Variants in EXOC4 observed in about 807,000 individuals in gnomAD.
The protein encoded by EXOC4 is exocyst complex component 4.
Under a neutral mutation model 107.2 loss-of-function variants are expected in EXOC4, and 71 were observed. The observed-to-expected ratio is 0.66, with a 90% CI of 0.55 to 0.81. The LOEUF (loss-of-function observed/expected upper bound fraction) is 0.81. EXOC4 is among the 30% of genes least tolerant of loss of function. The pLI is 0.00. For synonymous variants in EXOC4, 456 were observed against 441.2 expected (o/e 1.03, Z -0.42); for missense variants, 1,108 against 1,189.6 (o/e 0.93, Z 1.01).
chr7:133,309,280 A>G (rs1794818471), intron 4 of EXOC4, among the ~76,000 whole-genome samples: 1 of 152,180 alleles, frequency 6.6e-6, no homozygotes, highest in African/African-American at 2.4e-5. Flanking sequence ...AGGAGCAAAA[A>G]TCAGGCTCAC....
At chr7:134,090,623 A>G in the EXOC4 span, among the ~76,000 whole-genome samples, 1 of 152,182 alleles carries the variant, frequency 6.6e-6, no homozygotes, top group African/African-American at 2.4e-5. Flanking sequence ...GAGCTCAGCG[A>G]GACCAGAGAA....
At chr7:133,354,351 A>G (rs1158243252) in intron 5 of EXOC4, among the ~76,000 whole-genome samples, 1 of 152,150 alleles carries the variant, frequency 6.6e-6, no homozygotes, top group Non-Finnish European at 1.5e-5. Context: ...GTCAGTGTCT[A>G]TCCTAAGGAT....
chr7:133,597,587 A>AC (rs1471662057), intron 9 of EXOC4, among the ~76,000 whole-genome samples: 14 of 146,744 alleles, frequency 9.5e-5, no homozygotes, highest in East Asian at 6.2e-4. Context: ...CCAAAAAAAA[A>AC]ACCCCGAATC....
intron 10 of EXOC4, among the ~76,000 whole-genome samples, chr7:133,661,087 T>G (rs1019418425): frequency 2.6e-4 from 40 of 152,148 alleles, no homozygotes; most frequent in African/African-American, 9.2e-4. Context: ...CCCACAAAAA[T>G]GCCAGGCAGG....
At chr7:133,735,249 A>AT (rs1795418895) in intron 10 of EXOC4, among the ~76,000 whole-genome samples, 3 of 149,822 alleles carry the variant, frequency 2.0e-5, no homozygotes, top group Non-Finnish European at 3.0e-5. Context: ...AAAAAAAAAA[A>AT]AAAGTTAAAG....
At chr7:134,037,287 G>A (rs920348452) in intron 17 of EXOC4, among the ~76,000 whole-genome samples, 2 of 152,164 alleles carry the variant, frequency 1.3e-5, no homozygotes, top group Non-Finnish European at 2.9e-5. Context: ...GAGCTCCATT[G>A]AAGGGGATTT....
At chr7:133,683,858 A>G (rs1276325945) in intron 10 of EXOC4, among the ~76,000 whole-genome samples, 1 of 152,184 alleles carries the variant, frequency 6.6e-6, no homozygotes, top group Non-Finnish European at 1.5e-5. Context: ...AAATATCTTT[A>G]CTATAGATCT....
chr7:133,980,037 T>C (rs1042536977), intron 14 of EXOC4, among the ~76,000 whole-genome samples: 5 of 152,188 alleles, frequency 3.3e-5, no homozygotes, highest in African/African-American at 1.2e-4. Flanking sequence ...TTTTTATGTA[T>C]GAAAAGATAA....
At chr7:133,644,794 G>T (rs1802946215) in intron 10 of EXOC4, among the ~76,000 whole-genome samples, 1 of 152,112 alleles carries the variant, frequency 6.6e-6, no homozygotes, top group African/African-American at 2.4e-5. Context: ...ACCTCCATTT[G>T]GTGGCCCCCC....
chr7:133,655,003 C>T (rs1385890015), intron 10 of EXOC4, among the ~76,000 whole-genome samples: 1 of 152,096 alleles, frequency 6.6e-6, no homozygotes, highest in Non-Finnish European at 1.5e-5. Flanking sequence ...GCTTGCAGGA[C>T]TAAAGTTGCT....
At chr7:133,741,591 A>G (rs1420045145) in intron 10 of EXOC4, among the ~76,000 whole-genome samples, 2 of 152,220 alleles carry the variant, frequency 1.3e-5, no homozygotes, top group Admixed American at 1.3e-4. Flanking sequence ...GTTGGCACTC[A>G]GAAAATGTTT....
At chr7:133,948,623 C>T (rs190120614) in intron 14 of EXOC4, among the ~76,000 whole-genome samples, 11 of 152,232 alleles carry the variant, frequency 7.2e-5, no homozygotes, top group Admixed American at 2.0e-4. Context: ...AAGGATACTA[C>T]GGTAATGATA....
chr7:133,521,906 A>T (rs1799987568), intron 9 of EXOC4, among the ~76,000 whole-genome samples: 1 of 152,072 alleles, frequency 6.6e-6, no homozygotes, highest in Non-Finnish European at 1.5e-5. Flanking sequence ...GGTGTGAGCC[A>T]CCATGCCCGG....
intron 17 of EXOC4, among the ~76,000 whole-genome samples, chr7:134,060,932 G>A (rs1022430563): frequency 6.6e-6 from 1 of 152,124 alleles, no homozygotes; most frequent in African/African-American, 2.4e-5. Flanking sequence ...TTGCAATTCA[G>A]GGGCACTGTT....
intron 5 of EXOC4, among the ~76,000 whole-genome samples, chr7:133,338,595 G>A (rs1201872074): frequency 8.6e-5 from 5 of 58,400 alleles, no homozygotes; most frequent in East Asian, 5.8e-4. Flanking sequence ...GCGAGACTCC[G>A]TCTCAAAAAA....
At chr7:133,275,712 G>C (rs992846041) in intron 2 of EXOC4, among the ~76,000 whole-genome samples, 1 of 152,078 alleles carries the variant, frequency 6.6e-6, no homozygotes, top group Non-Finnish European at 1.5e-5. Flanking sequence ...GTTGTGACTT[G>C]CCTGCATTTA....
At chr7:133,430,919 A>T (rs1797842052) in intron 7 of EXOC4, among the ~76,000 whole-genome samples, 1 of 152,178 alleles carries the variant, frequency 6.6e-6, no homozygotes, top group East Asian at 1.9e-4. Context: ...AAATCCCTGA[A>T]GTTTAGGCAC....
intron 11 of EXOC4, among the ~76,000 whole-genome samples, chr7:133,869,389 G>C (rs1223230333): frequency 6.6e-6 from 1 of 152,102 alleles, no homozygotes; most frequent in African/African-American, 2.4e-5. Flanking sequence ...AAAGAACTTA[G>C]CCTTTCTGTA....
At chr7:133,946,451 T>C (rs1383743309) in intron 14 of EXOC4, among the ~76,000 whole-genome samples, 2 of 152,222 alleles carry the variant, frequency 1.3e-5, no homozygotes, top group African/African-American at 4.8e-5. Context: ...TCCAAATATA[T>C]TTCCATGTTG....
Sources: gnomAD v4.1 joint callset for allele counts (sites outside exome capture counted in the v4.1 genomes callset) on GRCh38, gnomAD v4.1.1 for gene constraint, MANE v1.5 for transcripts, NCBI Gene and HGNC (gene_info 2026-07-23, HGNC 2026-07-21) for gene names.